Variants in IPO5 observed in about 807,000 individuals in gnomAD.
IPO5 encodes importin-5.
In IPO5, 18 loss-of-function variants were observed where a neutral mutation model predicts 143.3. The ratio of observed to expected loss-of-function variants is 0.13; its 90% confidence interval spans 0.09 to 0.19. IPO5 has a LOEUF of 0.19. IPO5 is among the 10% of genes least tolerant of loss of function. The probability of loss-of-function intolerance (pLI) is 1.00; values close to 1 mark genes in which losing one functional copy is unlikely to be tolerated. For synonymous variants in IPO5, 477 were observed against 465.7 expected (o/e 1.02, Z -0.31); for missense variants, 1,013 against 1,336.9 (o/e 0.76, Z 3.78).
intron 13 of IPO5, among the ~76,000 whole-genome samples, chr13:98,001,310 TA>T (rs1488830490): frequency 6.6e-6 from 1 of 152,264 alleles, no homozygotes; most frequent in Non-Finnish European, 1.5e-5. Context: ...GTTCTTTTGT[TA>T]AATTAAAATT....
At chr13:98,014,014 G>C in intron 21 of IPO5, 28 bp from the exon 22 acceptor site, 1 of 1,591,402 alleles carries the variant, frequency 6.3e-7, no homozygotes, top group Non-Finnish European at 8.5e-7. Context: ...ATAATAAACA[G>C]TCTTTTGAGG....
intron 25 of IPO5, among the ~76,000 whole-genome samples, chr13:98,017,688 G>A (rs1176326507): frequency 6.6e-6 from 1 of 152,172 alleles, no homozygotes. Context: ...CCCTGTGCGT[G>A]CATGGCCTCA....
In IPO5 at chr13:97,959,691, G is replaced by A. The variant is rs147021417; in HGVS notation, c.-113+5493G>A. ...GTAGGTTGCAGTGAGCCTAGATAGC[G>A]CCACTGCACTCCAGCCGGGGTGACG... On this transcript the variant is annotated intron_variant, in intron 2 of 28. Coordinates refer to ENST00000651721, the MANE Select transcript of IPO5 (RefSeq NM_002271.6). Among the ~76,000 whole-genome samples the A allele has an allele frequency of 8.5e-5, 13 of 152,206 alleles. No homozygotes were observed. The East Asian group carries it at 1.4e-3, about 16-fold the overall frequency.
rs1338495323 is a variant in IPO5 at position 98,022,616 on chromosome 13, T to C, written c.*794T>C. 1 of 152,246 alleles carries C rather than the reference T, an allele frequency of 6.6e-6. No individual in the cohort carries two copies. The highest frequency in any genetic ancestry group is 1.5e-5 in the Non-Finnish European group (1 of 68,044). The allele number at this position is 152,246 out of a possible 1,614,324, so 9.4% of individuals were successfully genotyped here. A position where few individuals can be genotyped will look rare whatever the true frequency, so the allele number is the denominator to read the frequency against. On this transcript the variant is annotated 3_prime_UTR_variant, in exon 29 of 29. Coordinates refer to ENST00000651721, the MANE Select transcript of IPO5 (RefSeq NM_002271.6). ...AGTGTTTTTTCCCCTAATATTTTCC[T>C]TGTGCAATTCAGACTTAAGCATCGA...
At chr13:98,014,258 C>A in intron 22 of IPO5, 44 bp downstream of exon 22, 12 of 1,362,060 alleles carry the variant, frequency 8.8e-6, no homozygotes, top group South Asian at 2.6e-5. Flanking sequence ...GTTGTATGTT[C>A]ATTTATTAGT....
intron 18 of IPO5, among the ~76,000 whole-genome samples, chr13:98,009,081 G>A (rs1002347338): frequency 4.6e-5 from 7 of 152,218 alleles, no homozygotes; most frequent in African/African-American, 1.7e-4. Context: ...GGGAGGGGTG[G>A]TAAGGACGAG....
rs1890648113 is a variant in IPO5, at chr13:98,024,242, TG to T, written c.*2421del. 1 of 152,204 alleles carries T rather than the reference TG, an allele frequency of 6.6e-6. No individual in the cohort carries two copies. The highest frequency in any genetic ancestry group is 1.5e-5 in the Non-Finnish European group (1 of 68,030). 9.4% of individuals were successfully genotyped at this position (152,204 alleles called of 1,614,324 possible). ...AGAGGCAACCTTATAACTCTGGAGT[TG>T]TAGTTTGACAGAACCATCAGTAAAG... On this transcript the variant is annotated 3_prime_UTR_variant, in exon 29 of 29. Coordinates refer to ENST00000651721, the MANE Select transcript of IPO5 (RefSeq NM_002271.6).
At chr13:97,993,517 T>G (rs1317493318) in intron 11 of IPO5, among the ~76,000 whole-genome samples, 1 of 152,022 alleles carries the variant, frequency 6.6e-6, no homozygotes, top group Non-Finnish European at 1.5e-5. Context: ...GTTAATAGAG[T>G]CAAAAACAAT....
intron 4 of IPO5, among the ~76,000 whole-genome samples, chr13:97,980,700 G>A (rs1262283785): frequency 2.0e-5 from 3 of 151,948 alleles, no homozygotes; most frequent in East Asian, 1.9e-4. Flanking sequence ...GGTGGCAGGC[G>A]CCTGTAATCC....
intron 2 of IPO5, among the ~76,000 whole-genome samples, chr13:97,962,832 G>GTAGA (rs1413015044): frequency 2.1e-4 from 32 of 151,756 alleles, no homozygotes; most frequent in African/African-American, 7.8e-4. Context: ...AAAAAAAAAG[G>GTAGA]TAGATAGATA....
At chr13:98,004,220 A>G (rs1386860581) in intron 16 of IPO5, among the ~76,000 whole-genome samples, 1 of 152,218 alleles carries the variant, frequency 6.6e-6, no homozygotes, top group Non-Finnish European at 1.5e-5. Context: ...ACTTAATATG[A>G]ACTGGTAGCA....
chr13:97,972,940 C>T (rs977002991), intron 3 of IPO5, among the ~76,000 whole-genome samples: 1 of 152,004 alleles, frequency 6.6e-6, no homozygotes, highest in Non-Finnish European at 1.5e-5. Context: ...AAGTTCAAGG[C>T]TCTTTACCTT....
chr13:98,008,037 G>C (rs749989305), intron 17 of IPO5, 22 bp from the exon 18 acceptor site: 1 of 1,511,000 alleles, frequency 6.6e-7, no homozygotes, highest in South Asian at 1.2e-5. Context: ...CAACAAGTGT[G>C]TCTCTACATA....
At chr13:97,975,507 G>A (rs1301904500) in intron 3 of IPO5, 1 of 152,200 alleles carries the variant, frequency 6.6e-6, no homozygotes, top group East Asian at 1.9e-4. Flanking sequence ...TTAGCCCAAT[G>A]TATTGGATAC....
Position 98,006,115 on chromosome 13 carries a change from G to C in IPO5, c.1498-15G>C, listed in dbSNP as rs1889219721. The C allele has an allele frequency of 1.9e-6, 3 of 1,555,452 alleles. No homozygotes were observed. The highest frequency in any genetic ancestry group is 2.7e-6 in the Non-Finnish European group (3 of 1,127,722). ...CAGTTTTCCTTTGAGGTAATAATTT[G>C]TGTCTTCCTTCTAGCTGATTCAGAA... is the stretch of plus-strand genomic sequence containing the variant. On this transcript the variant is annotated splice_polypyrimidine_tract_variant and intron_variant, in intron 16 of 28. Coordinates refer to ENST00000651721, the MANE Select transcript of IPO5 (RefSeq NM_002271.6).
intron 6 of IPO5, among the ~76,000 whole-genome samples, chr13:97,988,389 A>G (rs1887548926): frequency 6.6e-6 from 1 of 152,212 alleles, no homozygotes; most frequent in Admixed American, 6.5e-5. Context: ...AGCTTTGCCT[A>G]CTTTTTCAAC....
At chr13:98,005,993 C>T in intron 16 of IPO5, 137 bp from the exon 17 acceptor site, 4 of 634,964 alleles carry the variant, frequency 6.3e-6, no homozygotes, top group Non-Finnish European at 1.1e-5. Context: ...CCAAAACCTA[C>T]AGTCTCTGCT....
rs1890591761 is a variant in IPO5, at chr13:98,023,161, C to G, written c.*1339C>G. 1 of 152,578 alleles carries G rather than the reference C, an allele frequency of 6.6e-6. No individual in the cohort carries two copies. The highest frequency in any genetic ancestry group is 1.5e-5 in the Non-Finnish European group (1 of 68,042). The allele number at this position is 152,578 out of a possible 1,614,324, so 9.5% of individuals were successfully genotyped here. A position where few individuals can be genotyped will look rare whatever the true frequency, so the allele number is the denominator to read the frequency against. On this transcript the variant is annotated 3_prime_UTR_variant, in exon 29 of 29. Transcript: ENST00000651721. ...TACATACAGATGGTTTCCTTGTTAG[C>G]AGATGCCCTTCAAATATATTTTACG...
intron 6 of IPO5, chr13:97,986,946 G>A (rs917440327): frequency 1.3e-5 from 2 of 152,466 alleles, no homozygotes; most frequent in Non-Finnish European, 2.9e-5. Context: ...TGGGCTTTTA[G>A]TGTTGTTTGA....
Sources: gnomAD v4.1 joint callset for allele counts (sites outside exome capture counted in the v4.1 genomes callset) on GRCh38, gnomAD v4.1.1 for gene constraint, MANE v1.5 for transcripts, NCBI Gene and HGNC (gene_info 2026-07-23, HGNC 2026-07-21) for gene names.